CUL5: variants seen among roughly 807,000 people sequenced by gnomAD.
CUL5 encodes the protein cullin-5.
A neutral mutation model predicts 108.8 loss-of-function variants in CUL5; 26 were observed. That is an observed-to-expected ratio of 0.24 (90% CI 0.18 to 0.33). The LOEUF (loss-of-function observed/expected upper bound fraction) is 0.33, where lower values mean the gene tolerates loss of function less well. Among genes scored for constraint, CUL5 ranks in the 10% least tolerant of loss-of-function variants. The pLI is 1.00. For missense variants in CUL5, 524 were observed against 909.2 expected (o/e 0.58, Z 5.45); for synonymous variants, 334 against 298.0 (o/e 1.12, Z -1.25).
At chr11:108,049,409 A>T (rs1293334298) in intron 3 of CUL5, among the ~76,000 whole-genome samples, 1 of 151,784 alleles carries the variant, frequency 6.6e-6, no homozygotes, top group Non-Finnish European at 1.5e-5. Flanking sequence ...TGGTGCAATC[A>T]TGGCTCACTG....
intron 4 of CUL5, among the ~76,000 whole-genome samples, chr11:108,051,040 G>A (rs1460727093): frequency 6.6e-6 from 1 of 152,160 alleles, no homozygotes; most frequent in Admixed American, 6.6e-5. Context: ...ACTGTTTACT[G>A]TGATGGTTAC....
At chr11:108,067,336 A>G (rs1863711572) in intron 7 of CUL5, among the ~76,000 whole-genome samples, 1 of 152,192 alleles carries the variant, frequency 6.6e-6, no homozygotes, top group Non-Finnish European at 1.5e-5. Context: ...GCATTTACCA[A>G]ATTCTTCTCA....
Position 108,095,691 on chromosome 11 carries a change from G to T in CUL5, c.1905G>T (p.Trp635Cys), listed in dbSNP as rs1231013271. ...ATGCTGAACTTAGGAGGACTTTATGGGTTGGTTTATGTTTTTTTGTTTTTA... is the reference window on the plus strand; with the variant it reads ...ATGCTGAACTTAGGAGGACTTTATGTGTTGGTTTATGTTTTTTTGTTTTTA... The part of the protein sequence containing the change: ...LPDAELRRTL[W>C]SLVAFPKLKR... The change falls in exon 16 of 19, where the codon TGG (tryptophan) becomes TGT (cysteine). Residue 635 changes from tryptophan (W) to cysteine (C), a missense_variant and splice_region_variant. By Grantham distance (215) the Trp-to-Cys change is radical. This residue lies in a region of CUL5 where 64 missense variants were observed against 152.0 expected (regional missense o/e 0.42). Coordinates refer to ENST00000393094, the MANE Select transcript of CUL5 (RefSeq NM_003478.6). 1.2e-6 allele frequency: 2 copies of T among 1,607,708 alleles called. No homozygotes were observed. The highest frequency in any genetic ancestry group is 1.7e-6 in the Non-Finnish European group (2 of 1,178,184).
At chr11:108,079,626 C>G (rs1011024841) in intron 11 of CUL5, among the ~76,000 whole-genome samples, 6 of 151,986 alleles carry the variant, frequency 3.9e-5, no homozygotes, top group African/African-American at 1.5e-4. Flanking sequence ...ATATACTGTC[C>G]CATGCATAAA....
Position 108,096,195 on chromosome 11 carries a change from C to CA in CUL5, c.1905+512dup, listed in dbSNP as rs575327233. 3.6e-4 allele frequency among the ~76,000 whole-genome samples: 54 copies of CA among 150,306 alleles called. No individual in the cohort carries two copies. In the South Asian group the frequency reaches 4.9e-3, roughly 14 times the overall value. Reference sequence around the variant, plus strand: ...GTTACCAAGGCAGAGAAAAGTGCTTCAAAAAAAAGGAGAGGCTGGGGCAGT... The same window carrying CA: ...GTTACCAAGGCAGAGAAAAGTGCTTCAAAAAAAAAGGAGAGGCTGGGGCAGT... On this transcript the variant is annotated intron_variant, in intron 16 of 18. Coordinates refer to ENST00000393094, the MANE Select transcript of CUL5 (RefSeq NM_003478.6).
intron 4 of CUL5, among the ~76,000 whole-genome samples, chr11:108,050,327 C>T (rs1476455545): frequency 4.0e-5 from 6 of 151,638 alleles, no homozygotes; most frequent in Admixed American, 1.3e-4. Flanking sequence ...CTTTCTCCTT[C>T]TCCTGGTATT....
intron 11 of CUL5, among the ~76,000 whole-genome samples, chr11:108,086,405 T>C (rs942516574): frequency 6.6e-6 from 1 of 152,108 alleles, no homozygotes; most frequent in Non-Finnish European, 1.5e-5. Flanking sequence ...GCCTGAGCAA[T>C]GTATCTAGAT....
intron 1 of CUL5, among the ~76,000 whole-genome samples, chr11:108,023,856 A>G (rs1261388666): frequency 1.3e-5 from 2 of 152,246 alleles, no homozygotes; most frequent in African/African-American, 4.8e-5. Flanking sequence ...TAAAAGTTTA[A>G]ACAGAGTGTG....
chr11:108,088,407 C>G (rs1478915305), intron 11 of CUL5, 120 bp from the exon 12 acceptor site: 2 of 1,134,370 alleles, frequency 1.8e-6, no homozygotes, highest in African/African-American at 3.2e-5. Flanking sequence ...TATCCTAGTT[C>G]CAAACCTGAT....
At chr11:108,055,610 AATAAAT>A (rs1863354524) in intron 7 of CUL5, among the ~76,000 whole-genome samples, 2 of 146,484 alleles carry the variant, frequency 1.4e-5, no homozygotes, top group African/African-American at 5.4e-5. Flanking sequence ...CTGCCTGACT[AATAAAT>A]ATATATATAT....
chr11:108,092,107 A>C (rs148172850), intron 13 of CUL5, among the ~76,000 whole-genome samples: 2 of 152,228 alleles, frequency 1.3e-5, no homozygotes, highest in Non-Finnish European at 2.9e-5. Context: ...ACTGCACTGC[A>C]GCCTGGGCAA....
At chr11:108,013,824 T>G (rs571264812) in intron 1 of CUL5, among the ~76,000 whole-genome samples, 1 of 152,170 alleles carries the variant, frequency 6.6e-6, no homozygotes, top group Non-Finnish European at 1.5e-5. Flanking sequence ...ATCCCAGCAC[T>G]TTGGGAGGAT....
intron 3 of CUL5, chr11:108,046,575 A>G (rs1244658045): frequency 6.9e-6 from 3 of 433,054 alleles, no homozygotes; most frequent in Non-Finnish European, 8.1e-6. Flanking sequence ...AAGAGAGTAC[A>G]TATTATATTT....
intron 18 of CUL5, among the ~76,000 whole-genome samples, chr11:108,099,119 C>T (rs895632597): frequency 6.6e-6 from 1 of 151,770 alleles, no homozygotes; most frequent in African/African-American, 2.4e-5. Flanking sequence ...ATCCTCCCAC[C>T]TCTGCCTCCG....
intron 3 of CUL5, among the ~76,000 whole-genome samples, chr11:108,047,129 G>GA (rs1863087404): frequency 6.6e-6 from 1 of 152,020 alleles, no homozygotes; most frequent in South Asian, 2.1e-4. Context: ...ACCAGCCTGG[G>GA]AAACATGGTG....
intron 1 of CUL5, among the ~76,000 whole-genome samples, chr11:108,030,235 C>G (rs1027266314): frequency 2.0e-5 from 3 of 152,224 alleles, no homozygotes; most frequent in Non-Finnish European, 4.4e-5. Flanking sequence ...AAGTTACTTA[C>G]GTGATTCATT....
chr11:108,069,530 T>C (rs1049810749), intron 7 of CUL5, among the ~76,000 whole-genome samples: 1 of 152,084 alleles, frequency 6.6e-6, no homozygotes, highest in Non-Finnish European at 1.5e-5. Flanking sequence ...TAGAAAAAAG[T>C]AGTTTCTAAG....
chr11:108,106,095 A>G lies in CUL5; in HGVS notation c.*1711A>G, dbSNP rs1252619133. 1 of 152,240 alleles carries G rather than the reference A, an allele frequency of 6.6e-6. No homozygotes were observed. Among genetic ancestry groups the G allele is most frequent in the Non-Finnish European group, 1.5e-5 (1 of 67,996 alleles). The allele number at this position is 152,240 out of a possible 1,614,324, so 9.4% of individuals were successfully genotyped here. A position where few individuals can be genotyped will look rare whatever the true frequency, so the allele number is the denominator to read the frequency against. Reference sequence around the variant, plus strand: ...TAGACCGAGCATATTGTGAAGAATTAAACTAAAATTAATACGTACAGTTTT... The same window carrying G: ...TAGACCGAGCATATTGTGAAGAATTGAACTAAAATTAATACGTACAGTTTT... On this transcript the variant is annotated 3_prime_UTR_variant, in exon 19 of 19. Transcript: ENST00000393094.
At chr11:108,071,533 G>T (rs999314211) in intron 8 of CUL5, among the ~76,000 whole-genome samples, 2 of 152,106 alleles carry the variant, frequency 1.3e-5, no homozygotes, top group Non-Finnish European at 1.5e-5. Flanking sequence ...GTTGGGTTTT[G>T]CAGTATTTGA....
Sources: allele counts gnomAD v4.1 joint callset (sites outside exome capture counted in the v4.1 genomes callset), GRCh38; gene constraint gnomAD v4.1.1; regional missense constraint gnomAD v4.1.1; transcripts MANE v1.5; gene names NCBI Gene and HGNC (gene_info 2026-07-23, HGNC 2026-07-21).